Variants in XPO4 observed in about 807,000 individuals in gnomAD.
The protein encoded by XPO4 is exportin 4.
In XPO4, 39 loss-of-function variants were observed where a neutral mutation model predicts 143.0. The observed-to-expected ratio is 0.27, with a 90% CI of 0.21 to 0.36. XPO4 has a LOEUF of 0.36. XPO4 is among the 10% of genes least tolerant of loss of function. XPO4 has a pLI of 1.00. For synonymous variants in XPO4, 439 were observed against 474.0 expected, an observed-to-expected ratio of 0.93 and a Z score of 0.96; for missense variants, 907 against 1,348.0, an observed-to-expected ratio of 0.67 and a Z score of 5.12.
At chr13:20,848,686 A>G (rs541760095) in intron 4 of XPO4, 2 of 985,358 alleles carry the variant, frequency 2.0e-6, no homozygotes, top group Non-Finnish European at 2.4e-6. Flanking sequence ...AATATAGTAA[A>G]TGTTCAGTAA....
chr13:20,827,048 G>A lies in XPO4; in HGVS notation c.840+19C>T. The A allele has an allele frequency of 1.3e-6, 2 of 1,541,186 alleles. No homozygotes were observed. ...CTTTTCTATGGCTCTTGCTACCAGA[G>A]ATGAAGACTAAAACTTACTGTGAAG... On this transcript the variant is annotated intron_variant, in intron 7 of 22. Coordinates refer to ENST00000255305, the MANE Select transcript of XPO4 (RefSeq NM_022459.5).
At chr13:20,838,739 G>A (rs1318076090) in intron 6 of XPO4, among the ~76,000 whole-genome samples, 1 of 151,732 alleles carries the variant, frequency 6.6e-6, no homozygotes, top group Non-Finnish European at 1.5e-5. Flanking sequence ...TTCCCACCTC[G>A]GCCTCCCAAA....
At chr13:20,797,723 A>C (rs2059376575) in intron 16 of XPO4, among the ~76,000 whole-genome samples, 1 of 152,200 alleles carries the variant, frequency 6.6e-6, no homozygotes. Flanking sequence ...CTGGCAACCT[A>C]CACACACTGG....
chr13:20,796,679 A>G (rs183291737), intron 17 of XPO4, 85 bp downstream of exon 17: 2 of 1,059,402 alleles, frequency 1.9e-6, no homozygotes, highest in Admixed American at 7.3e-5. Flanking sequence ...AGATAATACT[A>G]ATCAAATTTT....
At position 20,868,186 on chromosome 13, in the gene XPO4, T is replaced by C. The variant is rs188651629; in HGVS notation, c.175+410A>G. Among the ~76,000 whole-genome samples, 165 of 149,664 alleles carry C rather than the reference T, an allele frequency of 1.1e-3. 1 individual carries two copies. Among genetic ancestry groups the C allele is most frequent in the African/African-American group, 2.9e-3 (119 of 40,832 alleles). ...AAATGGTTAAAAAAAAAAAAAACTATGGAAAACAACTAAAAGAAAATGTAG... is the reference window on the plus strand; with the variant it reads ...AAATGGTTAAAAAAAAAAAAAACTACGGAAAACAACTAAAAGAAAATGTAG... On this transcript the variant is annotated intron_variant, in intron 2 of 22. Coordinates refer to ENST00000255305, the MANE Select transcript of XPO4 (RefSeq NM_022459.5).
rs1038842024 is a variant in XPO4 at position 20,782,985 on chromosome 13, A to G, written c.*737T>C. ...GATGTGAGAGAGAGAGAGAAAAGAA[A>G]GAGAGAGACAGAAAGCAAGAAAAGC... On this transcript the variant is annotated 3_prime_UTR_variant, in exon 23 of 23. Transcript: ENST00000255305. The G allele has an allele frequency of 1.3e-5, 2 of 152,540 alleles. No homozygotes were observed. The highest frequency in any genetic ancestry group is 4.8e-5 in the African/African-American group (2 of 41,454). 9.4% of individuals were successfully genotyped at this position (152,540 alleles called of 1,614,324 possible).
intron 1 of XPO4, among the ~76,000 whole-genome samples, chr13:20,889,230 T>G (rs909236734): frequency 1.3e-5 from 2 of 152,232 alleles, no homozygotes; most frequent in African/African-American, 4.8e-5. Flanking sequence ...AAGTGCCATG[T>G]GCGCATGGCT....
chr13:20,882,128 G>GAAAA (rs1012835554), intron 1 of XPO4, among the ~76,000 whole-genome samples: 1 of 133,060 alleles, frequency 7.5e-6, no homozygotes, highest in African/African-American at 3.0e-5. Context: ...AAAAAAAAAA[G>GAAAA]AAAGAAAGAA....
At chr13:20,888,860 T>A (rs1030606915) in intron 1 of XPO4, among the ~76,000 whole-genome samples, 3 of 151,892 alleles carry the variant, frequency 2.0e-5, no homozygotes, top group African/African-American at 7.3e-5. Flanking sequence ...TGGAGTGCAA[T>A]GGTGCAATCT....
chr13:20,873,323 T>C (rs1014214136), intron 1 of XPO4, among the ~76,000 whole-genome samples: 9 of 152,064 alleles, frequency 5.9e-5, no homozygotes. Context: ...AATGAATAGA[T>C]TAACTGACAT....
chr13:20,885,208 C>T (rs1463907272), intron 1 of XPO4, among the ~76,000 whole-genome samples: 2 of 152,108 alleles, frequency 1.3e-5, no homozygotes, highest in Non-Finnish European at 2.9e-5. Flanking sequence ...CCTTGGCCTC[C>T]CAAAGTGCTG....
chr13:20,825,765 C>T lies in XPO4; in HGVS notation c.840+1302G>A, dbSNP rs190572587. ...GCAACGGAATTTTAAAATTTAGTTA[C>T]AATTATCTCTTTGATCTTGATAGTG... is the stretch of plus-strand genomic sequence containing the variant. On this transcript the variant is annotated intron_variant, in intron 7 of 22. Transcript: ENST00000255305. 2.4e-3 allele frequency among the ~76,000 whole-genome samples: 359 copies of T among 152,296 alleles called. 1 individual carries two copies. The highest frequency in any genetic ancestry group is 7.7e-3 in the African/African-American group (319 of 41,570).
chr13:20,900,217 T>C (rs534447993), intron 1 of XPO4, among the ~76,000 whole-genome samples: 112 of 152,260 alleles, frequency 7.4e-4, no homozygotes, highest in African/African-American at 2.5e-3. Context: ...AAACCCTGTC[T>C]CTATTAAAAA....
chr13:20,895,107 G>A (rs1478059867), intron 1 of XPO4, among the ~76,000 whole-genome samples: 1 of 151,982 alleles, frequency 6.6e-6, no homozygotes, highest in East Asian at 1.9e-4. Context: ...GAACCCGGGA[G>A]GCAGGGGTGG....
chr13:20,884,707 G>A (rs531106757), intron 1 of XPO4, among the ~76,000 whole-genome samples: 8 of 151,912 alleles, frequency 5.3e-5, no homozygotes, highest in South Asian at 2.1e-4. Context: ...GCAACTGCAC[G>A]TGGCCAAGTA....
chr13:20,900,239 C>G lies in XPO4; in HGVS notation c.69+2431G>C, dbSNP rs184631563. 6.6e-4 allele frequency among the ~76,000 whole-genome samples: 101 copies of G among 152,172 alleles called. 1 individual carries two copies. The highest frequency in any genetic ancestry group is 1.3e-3 in the Non-Finnish European group (89 of 68,010). On this transcript the variant is annotated intron_variant, in intron 1 of 22. Transcript: ENST00000255305. ...GTCTCTATTAAAAATACAAAATTAG[C>G]TGGGTGTGGTGGTACATACCTGTAG... is the stretch of plus-strand genomic sequence containing the variant.
intron 2 of XPO4, among the ~76,000 whole-genome samples, chr13:20,864,143 TAAAATATAATAAATAATTA>T (rs1160138963): frequency 6.6e-6 from 1 of 151,820 alleles, no homozygotes; most frequent in Non-Finnish European, 1.5e-5. Context: ...TTAGAAACTT[TAAAATATAATAAATAATTA>T]AAATAAAGGA....
Position 20,868,664 on chromosome 13 carries a change from T to C in XPO4, c.107A>G (p.His36Arg), listed in dbSNP as rs1167031461. The C allele has an allele frequency of 1.9e-6, 3 of 1,613,332 alleles. No individual in the cohort carries two copies. The highest frequency in any genetic ancestry group is 2.5e-6 in the Non-Finnish European group (3 of 1,179,584). Residue 36 changes from histidine to arginine, a missense_variant, in exon 2 of 23, where the codon CAT (histidine) becomes CGT (arginine). By Grantham distance (29) the His-to-Arg change is conservative. Coordinates refer to ENST00000255305, the MANE Select transcript of XPO4 (RefSeq NM_022459.5). The stretch of plus-strand genomic sequence containing the variant: ...AAATGATAAGAATATGTGCTCTGCA[T>C]GCTGGCGTTGTTCATTATTGACCAT... Reference protein sequence around the residue: ...PSMVNNEQRQHAEHIFLSFRK... With the variant: ...PSMVNNEQRQRAEHIFLSFRK...
At chr13:20,847,382 A>G (rs2060038673) in intron 4 of XPO4, among the ~76,000 whole-genome samples, 1 of 152,186 alleles carries the variant, frequency 6.6e-6, no homozygotes, top group African/African-American at 2.4e-5. Context: ...TGTAATGAAG[A>G]TAGCTAGGGA....
Sources: allele counts gnomAD v4.1 joint callset (sites outside exome capture counted in the v4.1 genomes callset), GRCh38; gene constraint gnomAD v4.1.1; transcripts MANE v1.5; gene names NCBI Gene and HGNC (gene_info 2026-07-23, HGNC 2026-07-21).